VPS41: variants seen among roughly 807,000 people sequenced by gnomAD.
VPS41 encodes the protein vacuolar protein sorting-associated protein 41 homolog.
A neutral mutation model predicts 130.9 loss-of-function variants in VPS41; 85 were observed. That is an observed-to-expected ratio of 0.65 (90% CI 0.55 to 0.78). The LOEUF (loss-of-function observed/expected upper bound fraction) is 0.78. Among genes scored for constraint, VPS41 ranks in the 30% least tolerant of loss-of-function variants. The probability of loss-of-function intolerance (pLI) is 0.00; values close to 1 mark genes in which losing one functional copy is unlikely to be tolerated. For synonymous variants in VPS41, 335 were observed against 332.9 expected (o/e 1.01, Z -0.07); for missense variants, 874 against 1,018.7 (o/e 0.86, Z 1.93).
intron 5 of VPS41, among the ~76,000 whole-genome samples, chr7:38,827,019 C>T (rs4430003): frequency 0.23 from 34,204 of 151,928 alleles, 5,038 homozygotes; most frequent in Admixed American, 0.47. Context: ...GGGGTTTCAC[C>T]GTGTTAGTCA....
intron 5 of VPS41, among the ~76,000 whole-genome samples, chr7:38,827,721 G>T (rs1289736579): frequency 6.6e-6 from 1 of 152,134 alleles, no homozygotes; most frequent in Non-Finnish European, 1.5e-5. Flanking sequence ...GCCTCTAAGC[G>T]ATATTGCCTT....
At chr7:38,767,277 C>A (rs1193859813) in intron 15 of VPS41, among the ~76,000 whole-genome samples, 1 of 151,858 alleles carries the variant, frequency 6.6e-6, no homozygotes, top group African/African-American at 2.4e-5. Flanking sequence ...GTTCTTGATA[C>A]CTTTCTCATT....
intron 9 of VPS41, among the ~76,000 whole-genome samples, chr7:38,792,510 T>C (rs902715237): frequency 6.6e-6 from 1 of 152,238 alleles, no homozygotes; most frequent in Non-Finnish European, 1.5e-5. Flanking sequence ...CAACAAATAC[T>C]GCAGAGTCTA....
intron 8 of VPS41, chr7:38,796,454 C>T: frequency 1.9e-6 from 1 of 515,314 alleles, no homozygotes; most frequent in Non-Finnish European, 3.8e-6. Context: ...AGACCCATTC[C>T]CAATGCAGTC....
In VPS41 at chr7:38,749,367, C is replaced by T. The variant is rs573310317; in HGVS notation, c.1926+2809G>A. On this transcript the variant is annotated intron_variant, in intron 22 of 28. Transcript: ENST00000310301. ...GGAAGACAACCAAAGGAAAGACAAC[C>T]AAAATTAGAAAGATATAGTGTCTTC... 3.9e-5 allele frequency among the ~76,000 whole-genome samples: 6 copies of T among 152,154 alleles called. No homozygotes were observed. In the East Asian group the frequency reaches 1.2e-3, roughly 29 times the overall value.
At chr7:38,861,780 G>C (rs1405090947) in intron 4 of VPS41, among the ~76,000 whole-genome samples, 2 of 152,046 alleles carry the variant, frequency 1.3e-5, no homozygotes, top group Non-Finnish European at 2.9e-5. Context: ...GGAAGTTCTT[G>C]ACACCTTTAA....
At chr7:38,759,946 C>A (rs1200708991) in intron 17 of VPS41, among the ~76,000 whole-genome samples, 1 of 152,158 alleles carries the variant, frequency 6.6e-6, no homozygotes, top group Non-Finnish European at 1.5e-5. Context: ...TAACAAGTCA[C>A]CATCTTGGTC....
intron 4 of VPS41, among the ~76,000 whole-genome samples, chr7:38,830,977 T>C (rs1218916065): frequency 6.6e-6 from 1 of 152,194 alleles, no homozygotes; most frequent in Non-Finnish European, 1.5e-5. Flanking sequence ...TGAAGAATAC[T>C]GCACTGGCAG....
At chr7:38,850,418 T>C (rs1370103051) in intron 4 of VPS41, among the ~76,000 whole-genome samples, 1 of 152,226 alleles carries the variant, frequency 6.6e-6, no homozygotes, top group Non-Finnish European at 1.5e-5. Context: ...GAGTTCCTTA[T>C]GTAGGTAACA....
chr7:38,813,056 A>C (rs937540207), intron 7 of VPS41, among the ~76,000 whole-genome samples: 1 of 152,210 alleles, frequency 6.6e-6, no homozygotes, highest in African/African-American at 2.4e-5. Context: ...CACAGCCACA[A>C]AAAGCTGTAC....
At chr7:38,788,291 G>C (rs549634171) in intron 10 of VPS41, among the ~76,000 whole-genome samples, 3 of 152,298 alleles carry the variant, frequency 2.0e-5, no homozygotes, top group African/African-American at 7.2e-5. Context: ...GTTCTGTAGA[G>C]TTAGATTCTA....
intron 25 of VPS41, among the ~76,000 whole-genome samples, chr7:38,731,364 T>A (rs1795659546): frequency 6.6e-6 from 1 of 152,184 alleles, no homozygotes; most frequent in Non-Finnish European, 1.5e-5. Flanking sequence ...AGCAACTCCA[T>A]CAGTGACTCA....
intron 2 of VPS41, among the ~76,000 whole-genome samples, chr7:38,888,952 T>C (rs1177324212): frequency 8.9e-6 from 1 of 112,982 alleles, no homozygotes; most frequent in Admixed American, 1.0e-4. Context: ...CACTGGGGCC[T>C]GTGGGGGGTG....
intron 3 of VPS41, among the ~76,000 whole-genome samples, chr7:38,867,909 G>C (rs1786263926): frequency 1.3e-5 from 2 of 152,168 alleles, no homozygotes; most frequent in Non-Finnish European, 2.9e-5. Flanking sequence ...TGGTAAGATA[G>C]AGTTAGGATA....
At chr7:38,862,168 C>T (rs372149614) in intron 4 of VPS41, among the ~76,000 whole-genome samples, 5 of 152,054 alleles carry the variant, frequency 3.3e-5, no homozygotes, top group African/African-American at 1.2e-4. Flanking sequence ...AACAACAATT[C>T]ACCTAGACAT....
chr7:38,767,509 C>G, intron 15 of VPS41, 28 bp downstream of exon 15: 2 of 1,526,566 alleles, frequency 1.3e-6, no homozygotes, highest in Non-Finnish European at 1.8e-6. Context: ...TTTATATTAA[C>G]AAATAATTGT....
At chr7:38,756,722 G>A in intron 19 of VPS41, 116 bp downstream of exon 19, 1 of 765,860 alleles carries the variant, frequency 1.3e-6, no homozygotes, top group Non-Finnish European at 2.0e-6. Context: ...AAGATTGTCG[G>A]CATAAAGCCA....
chr7:38,763,609 A>C (rs911113183), intron 16 of VPS41, 62 bp from the exon 17 acceptor site: 368 of 993,148 alleles, frequency 3.7e-4, no homozygotes, highest in Non-Finnish European at 2.8e-4. Context: ...CTGCATTCCA[A>C]TTATGCAGAA....
intron 2 of VPS41, among the ~76,000 whole-genome samples, chr7:38,874,597 C>T (rs1786447635): frequency 6.6e-6 from 1 of 152,114 alleles, no homozygotes; most frequent in Non-Finnish European, 1.5e-5. Flanking sequence ...AGGGGCAAAT[C>T]CTTTTAATAA....
Sources: gnomAD v4.1 joint callset for allele counts (sites outside exome capture counted in the v4.1 genomes callset) on GRCh38, gnomAD v4.1.1 for gene constraint, MANE v1.5 for transcripts, NCBI Gene and HGNC (gene_info 2026-07-23, HGNC 2026-07-21) for gene names.